The following SGK3 variants were observed in gnomAD, a reference collection of about 807,000 sequenced individuals.
SGK3 encodes serine/threonine-protein kinase Sgk3.
In SGK3, 47 loss-of-function variants were observed where a neutral mutation model predicts 68.5. The observed-to-expected ratio is 0.69, with a 90% CI of 0.54 to 0.87. SGK3 has a LOEUF of 0.87. SGK3 is among the 40% of genes least tolerant of loss of function. The pLI, the probability that SGK3 is intolerant of heterozygous loss-of-function variation, is 0.00. For synonymous variants in SGK3, 181 were observed against 189.1 expected, an observed-to-expected ratio of 0.96 and a Z score of 0.35; for missense variants, 479 against 575.5, an observed-to-expected ratio of 0.83 and a Z score of 1.72.
chr8:66,806,855 GA>G (rs1476571913), intron 4 of SGK3, among the ~76,000 whole-genome samples: 1 of 151,724 alleles, frequency 6.6e-6, no homozygotes, highest in Non-Finnish European at 1.5e-5. Flanking sequence ...AAATCTTATG[GA>G]AATGTAATAT....
chr8:66,729,610 A>G (rs1243962199), intron 1 of SGK3, among the ~76,000 whole-genome samples: 1 of 152,200 alleles, frequency 6.6e-6, no homozygotes, highest in Non-Finnish European at 1.5e-5. Context: ...ATATGAACAT[A>G]TATGTTTTAA....
intron 1 of SGK3, among the ~76,000 whole-genome samples, chr8:66,731,811 GGCGTGA>G (rs1805163639): frequency 6.6e-6 from 1 of 152,226 alleles, no homozygotes; most frequent in Non-Finnish European, 1.5e-5. Flanking sequence ...TGGGATTACA[GGCGTGA>G]GCCACCGCAC....
At chr8:66,751,588 CATTTTGAATT>C (rs1263117427) in intron 1 of SGK3, among the ~76,000 whole-genome samples, 1 of 151,958 alleles carries the variant, frequency 6.6e-6, no homozygotes, top group Non-Finnish European at 1.5e-5. Flanking sequence ...TATGGTATGA[CATTTTGAATT>C]ATTTTGAATT....
intron 1 of SGK3, among the ~76,000 whole-genome samples, chr8:66,744,136 A>G (rs1272605342): frequency 1.3e-5 from 2 of 151,956 alleles, no homozygotes; most frequent in African/African-American, 4.8e-5. Flanking sequence ...ACCTTATACT[A>G]TTTGAAAGTA....
chr8:66,766,275 C>T (rs543652626), intron 1 of SGK3, among the ~76,000 whole-genome samples: 5 of 152,046 alleles, frequency 3.3e-5, no homozygotes, highest in African/African-American at 9.7e-5. Context: ...GTAATCCCAG[C>T]GCTTTGGAAG....
intron 1 of SGK3, among the ~76,000 whole-genome samples, chr8:66,765,673 C>T (rs1042218042): frequency 2.0e-4 from 30 of 152,110 alleles, no homozygotes; most frequent in African/African-American, 6.0e-4. Context: ...TTCTAATTTT[C>T]CTTTCAATTT....
rs1807504211 is a variant in SGK3, at chr8:66,792,470, T to C, written c.-121-1146T>C. The stretch of plus-strand genomic sequence containing the variant: ...TACCTGAATATTCAATGCCTGCTGA[T>C]ATATATTTTAAATCATTACCTGAAT... On this transcript the variant is annotated intron_variant, in intron 1 of 16. Transcript: ENST00000521198. Among the ~76,000 whole-genome samples the C allele has an allele frequency of 2.0e-5, 3 of 152,196 alleles. 1 individual carries two copies. In the South Asian group the frequency reaches 6.2e-4, roughly 31 times the overall value.
intron 1 of SGK3, among the ~76,000 whole-genome samples, chr8:66,768,419 C>CT (rs540946845): frequency 9.0e-4 from 123 of 137,246 alleles, no homozygotes; most frequent in Non-Finnish European, 9.4e-4. Flanking sequence ...AATTTTTCAG[C>CT]TTTTTTTTTT....
intron 1 of SGK3, among the ~76,000 whole-genome samples, chr8:66,783,447 TG>T (rs1807072755): frequency 1.3e-5 from 2 of 152,238 alleles, no homozygotes; most frequent in African/African-American, 4.8e-5. Flanking sequence ...ATTATGCCTT[TG>T]GTGTAGCATT....
intron 1 of SGK3, among the ~76,000 whole-genome samples, chr8:66,757,100 G>C (rs1023682029): frequency 4.0e-5 from 6 of 148,978 alleles, no homozygotes; most frequent in African/African-American, 1.5e-4. Flanking sequence ...TCCTACCTAC[G>C]TGATCCCTTT....
chr8:66,838,134 C>T (rs887900701), intron 10 of SGK3, among the ~76,000 whole-genome samples: 8 of 152,132 alleles, frequency 5.3e-5, no homozygotes, highest in Non-Finnish European at 1.2e-4. Context: ...GGTGCGATCT[C>T]AGCTCACTGC....
intron 1 of SGK3, among the ~76,000 whole-genome samples, chr8:66,791,520 A>G (rs1187871796): frequency 6.6e-6 from 1 of 152,178 alleles, no homozygotes; most frequent in Admixed American, 6.5e-5. Flanking sequence ...ACAGGAGACA[A>G]GTTGTCCTGC....
chr8:66,811,407 T>A (rs1350181874), intron 4 of SGK3, among the ~76,000 whole-genome samples: 4 of 152,220 alleles, frequency 2.6e-5, no homozygotes, highest in Non-Finnish European at 5.9e-5. Flanking sequence ...AAAATACATA[T>A]TTCTAACTAT....
At chr8:66,813,723 C>A (rs1808470396) in intron 4 of SGK3, 130 bp from the exon 5 acceptor site, 1 of 521,994 alleles carries the variant, frequency 1.9e-6, no homozygotes, top group Non-Finnish European at 3.0e-6. Flanking sequence ...CCTTGTGTGA[C>A]AAGTAGCATG....
At chr8:66,721,204 G>A (rs186959244) in intron 1 of SGK3, among the ~76,000 whole-genome samples, 1 of 152,046 alleles carries the variant, frequency 6.6e-6, no homozygotes, top group Non-Finnish European at 1.5e-5. Context: ...AGATAGCATC[G>A]GTCTGTGCTG....
chr8:66,848,044 G>T (rs1213830508), intron 15 of SGK3, among the ~76,000 whole-genome samples: 1 of 152,080 alleles, frequency 6.6e-6, no homozygotes, highest in Non-Finnish European at 1.5e-5. Context: ...TGCTTTCTCA[G>T]ATATTCTTGG....
intron 5 of SGK3, among the ~76,000 whole-genome samples, chr8:66,815,118 A>G (rs1808527739): frequency 6.6e-6 from 1 of 152,208 alleles, no homozygotes; most frequent in African/African-American, 2.4e-5. Flanking sequence ...GATGATTACC[A>G]TTTATATGGT....
chr8:66,717,082 G>A (rs993575514), intron 1 of SGK3, among the ~76,000 whole-genome samples: 3 of 151,648 alleles, frequency 2.0e-5, no homozygotes, highest in African/African-American at 7.3e-5. Context: ...GTGCATGCCT[G>A]TAAGCCCAGC....
chr8:66,748,885 TTTTA>T (rs199925799), intron 1 of SGK3, among the ~76,000 whole-genome samples: 1 of 151,746 alleles, frequency 6.6e-6, no homozygotes, highest in South Asian at 2.1e-4. Flanking sequence ...TCTCACTAGA[TTTTA>T]TTTATTTATT....
Sources: allele counts gnomAD v4.1 joint callset (sites outside exome capture counted in the v4.1 genomes callset), GRCh38; gene constraint gnomAD v4.1.1; transcripts MANE v1.5; gene names NCBI Gene and HGNC (gene_info 2026-07-23, HGNC 2026-07-21).